CNTNAP2: variants seen among roughly 807,000 people sequenced by gnomAD.
CNTNAP2 encodes contactin-associated protein-like 2.
In CNTNAP2, 98 loss-of-function variants were observed where a neutral mutation model predicts 155.2. The observed-to-expected ratio is 0.63, with a 90% confidence interval of 0.54 to 0.75. CNTNAP2 has a LOEUF of 0.75. Ranked by LOEUF, CNTNAP2 falls within the 30% of genes least tolerant of loss-of-function variation. The pLI is 0.00. For missense variants in CNTNAP2, 1,727 were observed against 1,688.1 expected (o/e 1.02, Z -0.40); for synonymous variants, 651 against 631.2 (o/e 1.03, Z -0.47).
intron 1 of CNTNAP2, among the ~76,000 whole-genome samples, chr7:146,292,486 T>A (rs996223082): frequency 1.3e-5 from 2 of 152,186 alleles, no homozygotes; most frequent in Non-Finnish European, 2.9e-5. Context: ...GAACAAGTGT[T>A]GGTGAGAATG....
At chr7:146,186,112 A>AC (rs1277648411) in intron 1 of CNTNAP2, among the ~76,000 whole-genome samples, 2 of 152,022 alleles carry the variant, frequency 1.3e-5, no homozygotes, top group Non-Finnish European at 2.9e-5. Context: ...AGTAAAACAA[A>AC]CCCTCTCAAT....
chr7:147,830,998 T>C (rs1194543434), intron 13 of CNTNAP2, among the ~76,000 whole-genome samples: 1 of 152,198 alleles, frequency 6.6e-6, no homozygotes, highest in African/African-American at 2.4e-5. Context: ...TTGCTATCTA[T>C]ACATAGGTAT....
intron 20 of CNTNAP2, among the ~76,000 whole-genome samples, chr7:148,261,017 C>G (rs1173964061): frequency 3.9e-5 from 6 of 152,118 alleles, no homozygotes; most frequent in African/African-American, 7.2e-5. Context: ...TTGTTTGTAC[C>G]GATTTCCCTC....
At chr7:147,232,097 A>G (rs1345224539) in intron 8 of CNTNAP2, among the ~76,000 whole-genome samples, 1 of 152,226 alleles carries the variant, frequency 6.6e-6, no homozygotes, top group Non-Finnish European at 1.5e-5. Flanking sequence ...AAAGAACAAG[A>G]GACTTAGGAA....
At chr7:147,627,079 G>A (rs775768983) in intron 12 of CNTNAP2, among the ~76,000 whole-genome samples, 24 of 152,066 alleles carry the variant, frequency 1.6e-4, no homozygotes, top group Non-Finnish European at 2.5e-4. Context: ...CAATCTCTGC[G>A]TTCCAGCTCT....
intron 10 of CNTNAP2, among the ~76,000 whole-genome samples, chr7:147,398,629 T>C (rs1396003647): frequency 2.3e-5 from 3 of 132,970 alleles, no homozygotes; most frequent in Non-Finnish European, 4.7e-5. Context: ...TAGATTTGCA[T>C]GTGGCTTATT....
intron 3 of CNTNAP2, among the ~76,000 whole-genome samples, chr7:146,881,498 T>C (rs968965288): frequency 2.6e-5 from 4 of 152,144 alleles, no homozygotes; most frequent in Admixed American, 6.6e-5. Context: ...GTGTGTTCCA[T>C]TTATTTATTT....
intron 7 of CNTNAP2, among the ~76,000 whole-genome samples, chr7:147,131,097 T>TAC (rs534850849): frequency 1.3e-5 from 2 of 149,510 alleles, no homozygotes; most frequent in Admixed American, 6.7e-5. Context: ...TGTGTATATA[T>TAC]ACACACACAT....
In CNTNAP2 at chr7:147,655,412, C is replaced by T. The variant is rs1042356859; in HGVS notation, c.2098+16106C>T. On this transcript the variant is annotated intron_variant, in intron 13 of 23. Coordinates refer to ENST00000361727, the MANE Select transcript of CNTNAP2 (RefSeq NM_014141.6). ...TGCTGGGATTACAGGCGTGAGCCAC[C>T]GCGCCCAGCCTATTTTTTAAATAAT... is the stretch of plus-strand genomic sequence containing the variant. Among the ~76,000 whole-genome samples the T allele has an allele frequency of 1.1e-3, 165 of 152,284 alleles. 3 individuals carry two copies. Among genetic ancestry groups the T allele is most frequent in the Admixed American group, 0.01 (158 of 15,300 alleles).
chr7:147,441,831 C>CTT (rs1219303888), intron 10 of CNTNAP2, among the ~76,000 whole-genome samples: 3 of 144,566 alleles, frequency 2.1e-5, no homozygotes, highest in African/African-American at 7.8e-5. Flanking sequence ...CTCTCTCTCT[C>CTT]TCTCTCTCTC....
At chr7:147,256,158 T>TG (rs1222322000) in intron 8 of CNTNAP2, among the ~76,000 whole-genome samples, 1 of 152,188 alleles carries the variant, frequency 6.6e-6, no homozygotes, top group Admixed American at 6.5e-5. Context: ...TGAGGAAGAC[T>TG]GGGTCATAGT....
chr7:146,920,342 A>T (rs565254150), intron 3 of CNTNAP2, among the ~76,000 whole-genome samples: 1 of 152,100 alleles, frequency 6.6e-6, no homozygotes, highest in African/African-American at 2.4e-5. Flanking sequence ...TGAAACTGGG[A>T]TGCGGAGGTT....
At chr7:147,604,383 A>T (rs1563017968) in intron 12 of CNTNAP2, among the ~76,000 whole-genome samples, 1 of 152,196 alleles carries the variant, frequency 6.6e-6, no homozygotes, top group Non-Finnish European at 1.5e-5. Flanking sequence ...ACAAGAAAAA[A>T]ACAGTCTATT....
chr7:147,251,240 C>T (rs954810040), intron 8 of CNTNAP2, among the ~76,000 whole-genome samples: 6 of 152,082 alleles, frequency 3.9e-5, no homozygotes, highest in Non-Finnish European at 8.8e-5. Flanking sequence ...TGATAAGTAC[C>T]CAGCATCCCC....
chr7:146,842,524 T>C (rs34789463), intron 3 of CNTNAP2, among the ~76,000 whole-genome samples: 35,708 of 151,898 alleles, frequency 0.24, 4,409 homozygotes, highest in Non-Finnish European at 0.28. Context: ...ACTGGGTAAT[T>C]TACGAAGAAA....
chr7:147,026,493 A>G (rs919941293), intron 3 of CNTNAP2, among the ~76,000 whole-genome samples: 1 of 152,172 alleles, frequency 6.6e-6, no homozygotes. Context: ...AATTTTACTT[A>G]TAGAATTCAA....
At chr7:146,547,857 T>TTA (rs1563129672) in intron 1 of CNTNAP2, among the ~76,000 whole-genome samples, 1 of 151,500 alleles carries the variant, frequency 6.6e-6, no homozygotes, top group African/African-American at 2.4e-5. Flanking sequence ...TTTTTTTTTT[T>TTA]AAAGGAACCT....
Position 148,172,236 on chromosome 7 carries a change from TC to T in CNTNAP2, c.2774-3del. On this transcript the variant is annotated splice_polypyrimidine_tract_variant and splice_region_variant and intron_variant, in intron 17 of 23. Transcript: ENST00000361727. The stretch of plus-strand genomic sequence containing the variant: ...CTCTGAACTCTGTGCCTTCTGTCAT[TC>T]CCAGGTGGTGCTGGGGGCCAGCAGG... 6.2e-7 allele frequency: 1 copy of T among 1,613,308 alleles called. No homozygotes were observed. Among genetic ancestry groups the T allele is most frequent in the Non-Finnish European group, 8.5e-7 (1 of 1,179,676 alleles).
chr7:148,119,811 G>A (rs983377405), intron 16 of CNTNAP2, among the ~76,000 whole-genome samples: 1 of 152,060 alleles, frequency 6.6e-6, no homozygotes. Context: ...TTGGTATCTA[G>A]TAGTTATTGT....
Sources: allele counts gnomAD v4.1 joint callset (sites outside exome capture counted in the v4.1 genomes callset), GRCh38; gene constraint gnomAD v4.1.1; transcripts MANE v1.5; gene names NCBI Gene and HGNC (gene_info 2026-07-23, HGNC 2026-07-21).